The following AGBL4 variants were observed in gnomAD, a reference collection of about 807,000 sequenced individuals.
AGBL4 encodes the protein AGBL carboxypeptidase 4.
A neutral mutation model predicts 66.4 loss-of-function variants in AGBL4; 58 were observed. The ratio of observed to expected loss-of-function variants is 0.87; its 90% confidence interval spans 0.71 to 1.09. The LOEUF (loss-of-function observed/expected upper bound fraction) is 1.09. Ranked by LOEUF, AGBL4 falls within the 50% of genes least tolerant of loss-of-function variation. The pLI is 0.00. For synonymous variants in AGBL4, 234 were observed against 222.9 expected (o/e 1.05, Z -0.44); for missense variants, 579 against 631.0 (o/e 0.92, Z 0.88).
chr1:49,578,726 C>A lies in AGBL4; in HGVS notation c.282+118587G>T, dbSNP rs185610274. ...GTGCATTTCTGGTTGTATGAAGGAT[C>A]GTTGTATTATGTTAATTGTAATTAT... On this transcript the variant is annotated intron_variant, in intron 3 of 13. Coordinates refer to ENST00000371839, the MANE Select transcript of AGBL4 (RefSeq NM_032785.4). Among the ~76,000 whole-genome samples the A allele has an allele frequency of 3.4e-3, 516 of 152,070 alleles. 1 individual carries two copies. Among genetic ancestry groups the A allele is most frequent in the African/African-American group, 0.012 (486 of 41,500 alleles).
chr1:49,473,177 G>C (rs950253355), intron 3 of AGBL4, among the ~76,000 whole-genome samples: 6 of 152,006 alleles, frequency 3.9e-5, no homozygotes, highest in African/African-American at 1.4e-4. Flanking sequence ...CCAGTAATGA[G>C]ATTCCTAAGT....
At chr1:48,995,988 A>C (rs1660966019) in intron 5 of AGBL4, among the ~76,000 whole-genome samples, 1 of 152,146 alleles carries the variant, frequency 6.6e-6, no homozygotes, top group South Asian at 2.1e-4. Context: ...AGTGACCTGG[A>C]TTAGGGTTAT....
chr1:48,954,704 C>T (rs1224809000), intron 5 of AGBL4, among the ~76,000 whole-genome samples: 1 of 152,136 alleles, frequency 6.6e-6, no homozygotes. Flanking sequence ...TGAGCTGTGC[C>T]TCAATGTCCC....
chr1:49,580,405 T>C (rs1394063900), intron 3 of AGBL4, among the ~76,000 whole-genome samples: 1 of 152,228 alleles, frequency 6.6e-6, no homozygotes, highest in Non-Finnish European at 1.5e-5. Flanking sequence ...TTTATTTCTG[T>C]CTGTTTCTAT....
intron 1 of AGBL4, among the ~76,000 whole-genome samples, chr1:49,909,520 T>C (rs1387131404): frequency 1.3e-5 from 2 of 151,984 alleles, no homozygotes; most frequent in Middle Eastern, 3.2e-3. Flanking sequence ...TTCAGCACAG[T>C]CAGTAAAGAC....
At chr1:49,576,337 A>G (rs1644435871) in intron 3 of AGBL4, among the ~76,000 whole-genome samples, 1 of 152,218 alleles carries the variant, frequency 6.6e-6, no homozygotes, top group Admixed American at 6.5e-5. Flanking sequence ...CACTTGGGCC[A>G]TATGACCCAG....
At chr1:48,716,673 C>T (rs1432447947) in intron 6 of AGBL4, among the ~76,000 whole-genome samples, 1 of 152,118 alleles carries the variant, frequency 6.6e-6, no homozygotes, top group Non-Finnish European at 1.5e-5. Context: ...GGGGTGGGAA[C>T]CTGGGATAAG....
intron 3 of AGBL4, among the ~76,000 whole-genome samples, chr1:49,446,224 A>C (rs1022801441): frequency 1.3e-5 from 2 of 152,166 alleles, no homozygotes; most frequent in Non-Finnish European, 2.9e-5. Context: ...GAATTGTTAC[A>C]TTCCTTCGGC....
intron 3 of AGBL4, among the ~76,000 whole-genome samples, chr1:49,610,661 T>C (rs1645138436): frequency 6.6e-6 from 1 of 152,172 alleles, no homozygotes; most frequent in African/African-American, 2.4e-5. Context: ...TTCTCCCCTG[T>C]GAGGATACAG....
At chr1:49,845,494 T>C in intron 2 of AGBL4, 2 of 1,575,798 alleles carry the variant, frequency 1.3e-6, no homozygotes, top group East Asian at 2.2e-5. Context: ...GGAGAAACCC[T>C]ATCAGTGTGG....
intron 6 of AGBL4, among the ~76,000 whole-genome samples, chr1:48,690,605 A>G: frequency 6.6e-6 from 1 of 152,146 alleles, no homozygotes; most frequent in Non-Finnish European, 1.5e-5. Context: ...TTCACATATA[A>G]GATGTATTAA....
intron 1 of AGBL4, among the ~76,000 whole-genome samples, chr1:49,912,315 C>T (rs964930747): frequency 2.6e-5 from 4 of 152,186 alleles, no homozygotes; most frequent in Admixed American, 6.5e-5. Flanking sequence ...CAGTCCCTTC[C>T]ACTGCAGTTG....
chr1:48,647,222 G>A (rs1431316622), intron 8 of AGBL4, among the ~76,000 whole-genome samples: 2 of 152,206 alleles, frequency 1.3e-5, no homozygotes, highest in Non-Finnish European at 2.9e-5. Flanking sequence ...AATCATTTCT[G>A]TACCACCCAT....
intron 1 of AGBL4, among the ~76,000 whole-genome samples, chr1:49,979,805 G>T (rs1054487081): frequency 6.6e-6 from 1 of 152,152 alleles, no homozygotes; most frequent in Non-Finnish European, 1.5e-5. Flanking sequence ...AATGCCACTA[G>T]TGATGCTGGA....
chr1:49,068,173 A>G (rs900337847), intron 4 of AGBL4, among the ~76,000 whole-genome samples: 2 of 152,094 alleles, frequency 1.3e-5, no homozygotes, highest in Non-Finnish European at 2.9e-5. Flanking sequence ...TTTTATAGTA[A>G]TAATATCTAC....
intron 4 of AGBL4, among the ~76,000 whole-genome samples, chr1:49,179,229 T>C (rs1429364732): frequency 2.0e-5 from 3 of 152,236 alleles, no homozygotes; most frequent in African/African-American, 7.2e-5. Flanking sequence ...AAGGAGGCTA[T>C]TGCAGTAGCT....
intron 3 of AGBL4, among the ~76,000 whole-genome samples, chr1:49,500,718 T>C (rs1648070037): frequency 6.6e-6 from 1 of 152,162 alleles, no homozygotes; most frequent in African/African-American, 2.4e-5. Context: ...GGGTTCTCTA[T>C]TCTGTTCCAT....
chr1:49,247,041 G>T (rs1651701185), intron 3 of AGBL4, among the ~76,000 whole-genome samples: 1 of 151,980 alleles, frequency 6.6e-6, no homozygotes, highest in Non-Finnish European at 1.5e-5. Flanking sequence ...ATGGCTCAGA[G>T]AGGTTACCTA....
chr1:48,861,837 A>C (rs995606078), intron 6 of AGBL4, among the ~76,000 whole-genome samples: 2 of 152,128 alleles, frequency 1.3e-5, no homozygotes, highest in Non-Finnish European at 2.9e-5. Flanking sequence ...ATCCCAACAA[A>C]ATGAAATGGA....
Sources: gnomAD v4.1 joint callset for allele counts (sites outside exome capture counted in the v4.1 genomes callset) on GRCh38, gnomAD v4.1.1 for gene constraint, MANE v1.5 for transcripts, NCBI Gene and HGNC (gene_info 2026-07-23, HGNC 2026-07-21) for gene names.